The following DNAH17 variants were observed in gnomAD, a reference collection of about 807,000 sequenced individuals.
DNAH17 encodes dynein axonemal heavy chain 17.
A neutral mutation model predicts 485.6 loss-of-function variants in DNAH17; 376 were observed. The observed-to-expected ratio is 0.77, with a 90% CI of 0.71 to 0.84. DNAH17 has a LOEUF of 0.84. Ranked by LOEUF, DNAH17 falls within the 40% of genes least tolerant of loss-of-function variation. The pLI is 0.00. For synonymous variants in DNAH17, 3,031 were observed against 2,405.9 expected (o/e 1.26, Z -7.60); for missense variants, 6,370 against 5,839.3 (o/e 1.09, Z -2.96).
intron 2 of DNAH17, 107 bp from the exon 3 acceptor site, chr17:78,573,001 TG>T: frequency 1.0e-6 from 1 of 961,710 alleles, no homozygotes. Context: ...TCTGGAGCCC[TG>T]GGAAAACTGG....
intron 13 of DNAH17, among the ~76,000 whole-genome samples, chr17:78,559,265 C>A (rs1205457768): frequency 2.0e-5 from 3 of 152,314 alleles, no homozygotes; most frequent in East Asian, 1.9e-4. Flanking sequence ...TGTATCCACC[C>A]GCCTACTCAG....
intron 75 of DNAH17, among the ~76,000 whole-genome samples, chr17:78,432,650 CT>C (rs2086716046): frequency 6.6e-6 from 1 of 152,238 alleles, no homozygotes; most frequent in African/African-American, 2.4e-5. Flanking sequence ...AGGTCACCTC[CT>C]GGGGGCCTTC....
In DNAH17 at chr17:78,560,910, G is replaced by T; in HGVS notation, c.1861C>A (p.Leu621Met). 1 of 1,550,590 alleles carries T rather than the reference G, an allele frequency of 6.4e-7. No individual in the cohort carries two copies. ...ATCTCGTCATACTTCTGATAGGTCAGCTTGGCCTCTGCTCCAGACATGACC... is the reference window on the plus strand; with the variant it reads ...ATCTCGTCATACTTCTGATAGGTCATCTTGGCCTCTGCTCCAGACATGACC... ...HPVMSGAEAK[L>M]TYQKYDEMME... is the part of the protein sequence containing the mutation. Residue 621 changes from leucine to methionine, a missense_variant, in exon 13 of 81, where the codon CTG becomes ATG. Coordinates refer to ENST00000389840, the MANE Select transcript of DNAH17 (RefSeq NM_173628.4).
intron 9 of DNAH17, among the ~76,000 whole-genome samples, chr17:78,568,391 T>C (rs1424073137): frequency 6.6e-6 from 1 of 152,166 alleles, no homozygotes; most frequent in East Asian, 1.9e-4. Context: ...CCTCTGACAA[T>C]GGTGTCCACC....
Position 78,506,846 on chromosome 17 carries a change from G to T in DNAH17, c.4677C>A (p.Ser1559Arg), listed in dbSNP as rs114464365. ...CCAAAGCCTTTTCACAGATGGCCAA[G>T]CTGGGAGGAAGGAAGGAAGTAGAGG... is the stretch of plus-strand genomic sequence containing the variant. Reference protein sequence around the residue: ...LYNKLEALKKSLAICEKALAE... With the variant: ...LYNKLEALKKRLAICEKALAE... Residue 1559 changes from serine (S) to arginine (R), a missense_variant and splice_region_variant, in exon 30 of 81, where the codon AGC becomes AGA. Coordinates refer to ENST00000389840, the MANE Select transcript of DNAH17 (RefSeq NM_173628.4). 1.8e-3 allele frequency: 2,921 copies of T among 1,613,972 alleles called. 41 individuals carry two copies. The African/African-American group carries it at 0.035, about 19-fold the overall frequency.
intron 16 of DNAH17, among the ~76,000 whole-genome samples, chr17:78,550,956 C>G (rs924208213): frequency 6.6e-6 from 1 of 152,126 alleles, no homozygotes; most frequent in Non-Finnish European, 1.5e-5. Flanking sequence ...CGGTGGCTCA[C>G]GCCTGTAATC....
intron 74 of DNAH17, among the ~76,000 whole-genome samples, chr17:78,434,469 C>CA (rs1278633600): frequency 1.3e-5 from 2 of 152,166 alleles, no homozygotes; most frequent in Non-Finnish European, 2.9e-5. Context: ...TACTTAACTA[C>CA]AAGTTGAATT....
intron 34 of DNAH17, 85 bp from the exon 35 acceptor site, chr17:78,501,429 G>A (rs576660935): frequency 3.2e-5 from 47 of 1,469,914 alleles, no homozygotes; most frequent in East Asian, 3.0e-4. Flanking sequence ...CTCCAAGGCC[G>A]GTCCCCTGCT....
At chr17:78,577,184 T>G (rs540963907) in intron 1 of DNAH17, 111 bp downstream of exon 1, 1 of 152,434 alleles carries the variant, frequency 6.6e-6, no homozygotes, top group African/African-American at 2.4e-5. Flanking sequence ...CTGGGGTAAG[T>G]GGAGGGTCTG....
Position 78,453,323 on chromosome 17 carries a change from C to G in DNAH17, c.10529+20G>C. 6 of 1,611,004 alleles carry G rather than the reference C, an allele frequency of 3.7e-6. No individual in the cohort carries two copies. The highest frequency in any genetic ancestry group is 5.1e-6 in the Non-Finnish European group (6 of 1,178,410). Reference sequence around the variant, plus strand: ...GAAGATGTTTACCTGGCTCAAGCCACGGAGGCGGAAACAACTCACTTTCCC... The same window carrying G: ...GAAGATGTTTACCTGGCTCAAGCCAGGGAGGCGGAAACAACTCACTTTCCC... On this transcript the variant is annotated intron_variant, in intron 65 of 80. Coordinates refer to ENST00000389840, the MANE Select transcript of DNAH17 (RefSeq NM_173628.4).
In DNAH17 at chr17:78,574,737, G is replaced by T. The variant is rs773528402; in HGVS notation, c.321C>A (p.Asp107Glu). Reference protein sequence around the residue: ...LYGDISPTPVDQLIAVVEEVL... With the variant: ...LYGDISPTPVEQLIAVVEEVL... ...CCTCCTCCACCACCGCGATCAGCTG[G>T]TCCACGGGTGTGGGGCTGATGTCGC... Residue 107 changes from aspartate to glutamate, a missense_variant, in exon 2 of 81, where the codon GAC becomes GAA. Transcript: ENST00000389840. The T allele has an allele frequency of 8.1e-6, 13 of 1,611,044 alleles. No homozygotes were observed. Among genetic ancestry groups the T allele is most frequent in the Non-Finnish European group, 1.1e-5 (13 of 1,177,878 alleles).
At chr17:78,462,793 G>A (rs939297844) in intron 57 of DNAH17, 51 bp downstream of exon 57, 144 of 1,584,710 alleles carry the variant, frequency 9.1e-5, no homozygotes, top group East Asian at 1.4e-4. Flanking sequence ...CAGCTCCTGC[G>A]AGGCCTCCAG....
At chr17:78,479,348 C>G (rs1243972149) in intron 50 of DNAH17, 137 bp downstream of exon 50, 3 of 1,228,146 alleles carry the variant, frequency 2.4e-6, no homozygotes, top group Non-Finnish European at 2.2e-6. Flanking sequence ...TTTCTCCTGT[C>G]GAAACATAGC....
At chr17:78,524,100 T>A (rs1386339209) in intron 25 of DNAH17, among the ~76,000 whole-genome samples, 3 of 152,130 alleles carry the variant, frequency 2.0e-5, no homozygotes, top group Non-Finnish European at 4.4e-5. Context: ...GATGAGGTCA[T>A]CGGGGCGTGG....
At chr17:78,505,483 G>C (rs368907617) in intron 30 of DNAH17, 38 bp from the exon 31 acceptor site, 24 of 1,613,300 alleles carry the variant, frequency 1.5e-5, no homozygotes, top group Non-Finnish European at 1.9e-5. Flanking sequence ...TGCAACGGGG[G>C]ATTTGAAAGG....
In DNAH17 at chr17:78,561,816, G is replaced by A; in HGVS notation, c.1734C>T (p.Ile578=). ...CGGCCACGGGAGGCATGTTTTTGTG[G>A]ATCAGGGGGATGTTCCCCTCCTCGG... ...AASEEGNIPL[I]HKNMPPVAGQ... The change falls in exon 12 of 81, where the codon ATC becomes ATT. Residue 578 remains isoleucine (I), a synonymous_variant. Coordinates refer to ENST00000389840, the MANE Select transcript of DNAH17 (RefSeq NM_173628.4). 6.2e-7 allele frequency: 1 copy of A among 1,613,884 alleles called. No individual in the cohort carries two copies. Among genetic ancestry groups the A allele is most frequent in the Non-Finnish European group, 8.5e-7 (1 of 1,179,848 alleles).
At chr17:78,529,728 G>GC in intron 21 of DNAH17, 34 bp from the exon 22 acceptor site, 2 of 1,601,512 alleles carry the variant, frequency 1.2e-6, no homozygotes, top group Admixed American at 1.7e-5. Flanking sequence ...TGTGGCCCCA[G>GC]CCCCCCTTAG....
At chr17:78,500,025 C>T (rs1466361527) in intron 36 of DNAH17, 11 of 385,494 alleles carry the variant, frequency 2.9e-5, no homozygotes, top group Non-Finnish European at 4.3e-5. Flanking sequence ...GTCCCCAGTT[C>T]GGGGCAATCT....
At position 78,555,212 on chromosome 17, in the gene DNAH17, C is replaced by T. The variant is rs141020350; in HGVS notation, c.2179-2407G>A. On this transcript the variant is annotated intron_variant, in intron 14 of 80. Transcript: ENST00000389840. ...GCATCTACAGGATTACAAAGCAAGA[C>T]GATGTGTAGCAGGATTCCGTCCATC... 1.6e-3 allele frequency among the ~76,000 whole-genome samples: 242 copies of T among 152,216 alleles called. 3 individuals carry two copies. The East Asian group carries it at 0.023, about 15-fold the overall frequency.
Sources: allele counts gnomAD v4.1 joint callset (sites outside exome capture counted in the v4.1 genomes callset), GRCh38; gene constraint gnomAD v4.1.1; transcripts MANE v1.5; gene names NCBI Gene and HGNC (gene_info 2026-07-23, HGNC 2026-07-21).